FGGY: variants seen among roughly 807,000 people sequenced by gnomAD.
FGGY encodes the protein FGGY carbohydrate kinase domain-containing protein.
FGGY carries 72 observed loss-of-function variants against 71.3 expected under a neutral mutation model. The ratio of observed to expected loss-of-function variants is 1.01; its 90% CI spans 0.84 to 1.23. The LOEUF (loss-of-function observed/expected upper bound fraction) is 1.23. Ranked by LOEUF, FGGY falls within the 50% of genes most tolerant of loss-of-function variation. FGGY has a pLI of 0.00. For missense variants in FGGY, 668 were observed against 682.3 expected (o/e 0.98, Z 0.23); for synonymous variants, 251 against 250.3 (o/e 1.00, Z -0.02).
At chr1:59,348,795 T>G (rs2052650022) in intron 4 of FGGY, among the ~76,000 whole-genome samples, 3 of 152,168 alleles carry the variant, frequency 2.0e-5, no homozygotes, top group African/African-American at 7.2e-5. Context: ...TTTGTAAGTT[T>G]TAATCTACAT....
At chr1:59,745,416 T>C (rs1311744469) in intron 14 of FGGY, among the ~76,000 whole-genome samples, 1 of 152,218 alleles carries the variant, frequency 6.6e-6, no homozygotes, top group Non-Finnish European at 1.5e-5. Context: ...AGCTCAATCA[T>C]TATTCATTAT....
Position 59,325,124 on chromosome 1 carries a change from C to T in FGGY, c.201+3374C>T, listed in dbSNP as rs139146819. Among the ~76,000 whole-genome samples the T allele has an allele frequency of 6.7e-3, 1,025 of 152,176 alleles. 10 individuals carry two copies. Among genetic ancestry groups the T allele is most frequent in the African/African-American group, 0.023 (949 of 41,510 alleles). ...ATCCCAGCACTTTGGGAGGCCAAGGCGGGCGGATCACGAGGTCAGGAGATT... is the reference window on the plus strand; with the variant it reads ...ATCCCAGCACTTTGGGAGGCCAAGGTGGGCGGATCACGAGGTCAGGAGATT... On this transcript the variant is annotated intron_variant, in intron 2 of 15. Coordinates refer to ENST00000303721, the MANE Select transcript of FGGY (RefSeq NM_018291.5).
At chr1:59,527,882 T>TA (rs2095034932) in intron 7 of FGGY, among the ~76,000 whole-genome samples, 2 of 152,182 alleles carry the variant, frequency 1.3e-5, no homozygotes, top group Non-Finnish European at 2.9e-5. Flanking sequence ...TAGAATGACT[T>TA]ATAGGTTTTT....
rs1053935759 is a variant in FGGY, at chr1:59,699,423, T to C, written c.1512+25290T>C. 5 of 983,854 alleles carry C rather than the reference T, an allele frequency of 5.1e-6. No individual in the cohort carries two copies. In the African/African-American group the frequency reaches 5.2e-5, roughly 10 times the overall value. 60.9% of individuals were successfully genotyped at this position (983,854 alleles called of 1,614,324 possible). On this transcript the variant is annotated intron_variant, in intron 14 of 15. Transcript: ENST00000303721. Reference sequence around the variant, plus strand: ...GTTCAGGCTTCTGTTAGTTTTGCAATAGTGACACCTAGGGGCTGTAGAGAA... The same window carrying C: ...GTTCAGGCTTCTGTTAGTTTTGCAACAGTGACACCTAGGGGCTGTAGAGAA...
intron 7 of FGGY, among the ~76,000 whole-genome samples, chr1:59,546,049 C>T (rs145304849): frequency 3.9e-4 from 60 of 152,048 alleles, no homozygotes; most frequent in African/African-American, 9.7e-4. Context: ...AAGCACACAC[C>T]GTGCTGAAAT....
intron 4 of FGGY, among the ~76,000 whole-genome samples, chr1:59,374,345 C>T (rs959763025): frequency 2.6e-5 from 4 of 152,126 alleles, no homozygotes; most frequent in African/African-American, 4.8e-5. Context: ...AAATCAAAAC[C>T]ACAATGAGAT....
At chr1:59,374,570 C>G (rs1475611287) in intron 4 of FGGY, among the ~76,000 whole-genome samples, 2 of 151,950 alleles carry the variant, frequency 1.3e-5, no homozygotes, top group African/African-American at 4.8e-5. Flanking sequence ...ACCCAAAGGA[C>G]TATAAATCAT....
At chr1:59,537,103 G>A (rs369536929) in intron 7 of FGGY, among the ~76,000 whole-genome samples, 51 of 150,918 alleles carry the variant, frequency 3.4e-4, no homozygotes, top group Admixed American at 7.3e-4. Flanking sequence ...AAACCCCATT[G>A]TCTCAGCCCA....
chr1:59,729,619 C>A lies in FGGY; in HGVS notation c.1513-28312C>A, dbSNP rs2097998664. Among the ~76,000 whole-genome samples, 3 of 152,310 alleles carry A rather than the reference C, an allele frequency of 2.0e-5. No individual in the cohort carries two copies. The South Asian group carries it at 6.2e-4, about 32-fold the overall frequency. ...CTATTGTCTTTGGCGTCCCTAAGAT[C>A]TCCTCCTTAGATAGAGTCTATGTCT... On this transcript the variant is annotated intron_variant, in intron 14 of 15. Coordinates refer to ENST00000303721, the MANE Select transcript of FGGY (RefSeq NM_018291.5).
chr1:59,498,298 T>C (rs1570204015), intron 6 of FGGY, among the ~76,000 whole-genome samples: 1 of 152,220 alleles, frequency 6.6e-6, no homozygotes, highest in East Asian at 1.9e-4. Flanking sequence ...CGTTTAATCT[T>C]AGATTGTACT....
In FGGY at chr1:59,340,064, A is replaced by G. The variant is rs753466414; in HGVS notation, c.308A>G (p.Gln103Arg). Residue 103 changes from glutamine to arginine, a missense_variant, in exon 3 of 16, where the codon CAG becomes CGG. Coordinates refer to ENST00000303721, the MANE Select transcript of FGGY (RefSeq NM_018291.5). Reference protein sequence around the residue: ...DKQFHPLPVNQEGDSHRNVIM... With the variant: ...DKQFHPLPVNREGDSHRNVIM... ...CAGTTTCACCCATTACCAGTCAACC[A>G]GGAAGGTAAGACCATGTCTCTTCCT... is the stretch of plus-strand genomic sequence containing the variant. 9.3e-6 allele frequency: 15 copies of G among 1,607,708 alleles called. No individual in the cohort carries two copies. The East Asian group carries it at 2.5e-4, about 26-fold the overall frequency.
intron 11 of FGGY, among the ~76,000 whole-genome samples, chr1:59,652,016 T>C (rs2097167495): frequency 6.7e-6 from 1 of 150,016 alleles, no homozygotes; most frequent in Non-Finnish European, 1.5e-5. Flanking sequence ...TTATGAAGCT[T>C]AGTTTGGCTG....
At position 59,694,964 on chromosome 1, in the gene FGGY, G is replaced by A. The variant is rs540561627; in HGVS notation, c.1512+20831G>A. Among the ~76,000 whole-genome samples the A allele has an allele frequency of 1.1e-4, 16 of 152,308 alleles. No individual in the cohort carries two copies. In the South Asian group the frequency reaches 1.7e-3, roughly 16 times the overall value. ...GATCGAAGAATTAGTTTTTCATGGAGCATCTTACTTTGCTAAAGTTTCAAG... is the reference window on the plus strand; with the variant it reads ...GATCGAAGAATTAGTTTTTCATGGAACATCTTACTTTGCTAAAGTTTCAAG... On this transcript the variant is annotated intron_variant, in intron 14 of 15. Transcript: ENST00000303721.
At chr1:59,535,036 C>T (rs1345139935) in intron 7 of FGGY, among the ~76,000 whole-genome samples, 2 of 151,994 alleles carry the variant, frequency 1.3e-5, no homozygotes, top group African/African-American at 2.4e-5. Context: ...CACAGACTGG[C>T]AAATTGGATA....
rs148774585 is a variant in FGGY at position 59,720,806 on chromosome 1, A to G, written c.1513-37125A>G. ...AAACTTTAGGAGGAAGTTTCCACTC[A>G]TATTATTTATTCATTCATTTATTTA... On this transcript the variant is annotated intron_variant, in intron 14 of 15. Transcript: ENST00000303721. Among the ~76,000 whole-genome samples, 18 of 152,306 alleles carry G rather than the reference A, an allele frequency of 1.2e-4. No homozygotes were observed. The East Asian group carries it at 3.5e-3, about 29-fold the overall frequency.
At chr1:59,647,684 T>G (rs2097108454) in intron 11 of FGGY, among the ~76,000 whole-genome samples, 1 of 151,586 alleles carries the variant, frequency 6.6e-6, no homozygotes. Flanking sequence ...CAGCCAGTGA[T>G]CCTTCTCAGC....
chr1:59,439,508 C>A (rs1229468187), intron 5 of FGGY, among the ~76,000 whole-genome samples: 1 of 152,128 alleles, frequency 6.6e-6, no homozygotes, highest in Admixed American at 6.5e-5. Flanking sequence ...GACAGTTCCC[C>A]AGCCACCTTA....
chr1:59,721,337 GTT>G (rs71046339), intron 14 of FGGY, among the ~76,000 whole-genome samples: 13 of 105,368 alleles, frequency 1.2e-4, no homozygotes, highest in Admixed American at 7.0e-4. Flanking sequence ...TCTTTCCTTT[GTT>G]TTTTTTTTTT....
chr1:59,724,726 G>T (rs183886333), intron 14 of FGGY, among the ~76,000 whole-genome samples: 2 of 152,180 alleles, frequency 1.3e-5, no homozygotes, highest in Non-Finnish European at 2.9e-5. Flanking sequence ...ATTTTTAATG[G>T]CAAATGATGT....
Sources: allele counts gnomAD v4.1 joint callset (sites outside exome capture counted in the v4.1 genomes callset), GRCh38; gene constraint gnomAD v4.1.1; transcripts MANE v1.5; gene names NCBI Gene and HGNC (gene_info 2026-07-23, HGNC 2026-07-21).